RNF128: variants seen among roughly 807,000 people sequenced by gnomAD.
RNF128 encodes ring finger protein 128.
RNF128 carries 13 observed loss-of-function variants against 26.2 expected under a neutral mutation model. The ratio of observed to expected loss-of-function variants is 0.50; its 90% CI spans 0.32 to 0.79. The LOEUF is 0.79. Ranked by LOEUF, RNF128 falls within the 30% of genes least tolerant of loss-of-function variation. The pLI, the probability that RNF128 is intolerant of heterozygous loss-of-function variation, is 0.03. For missense variants in RNF128, 315 were observed against 349.7 expected (o/e 0.90, Z 0.79); for synonymous variants, 149 against 142.5 (o/e 1.05, Z -0.32).
At chrX:106,713,066 A>G (rs1243292494) in intron 1 of RNF128, among the ~76,000 whole-genome samples, 1 of 108,081 alleles carries the variant, frequency 9.3e-6, no homozygotes, top group East Asian at 3.0e-4. Context: ...TTTTTATTAG[A>G]GATGGGATTT....
chrX:106,722,945 A>G (rs891301804), upstream of RNF128, among the ~76,000 whole-genome samples: 1 of 110,817 alleles, frequency 9.0e-6, no homozygotes, highest in African/African-American at 3.3e-5. Context: ...CCTCCATTCC[A>G]CAAGTGTCTA....
intron 4 of RNF128, among the ~76,000 whole-genome samples, chrX:106,788,387 TA>T (rs1930710698): frequency 2.1e-5 from 1 of 46,939 alleles, no homozygotes; most frequent in Non-Finnish European, 3.3e-5. Context: ...ATATTATATA[TA>T]ATATATATTA....
intron 1 of RNF128, among the ~76,000 whole-genome samples, chrX:106,763,980 T>G (rs1159541229): frequency 9.0e-6 from 1 of 110,512 alleles, no homozygotes; most frequent in Non-Finnish European, 1.9e-5. Flanking sequence ...TTTTGTTTTT[T>G]GAGATGGAGT....
chrX:106,735,595 C>T (rs1461453534), intron 1 of RNF128, among the ~76,000 whole-genome samples: 1 of 111,231 alleles, frequency 9.0e-6, no homozygotes. Flanking sequence ...TTTTAAAGAA[C>T]CCAAAATACT....
rs1290258485 is a variant in RNF128 at position 106,796,653 on chromosome X, GT to G, written c.*941del. The stretch of plus-strand genomic sequence containing the variant: ...ATTACATTAGATAAACTAAAATTCT[GT>G]CCGTGTAACTATAAATTTTGTGAAT... On this transcript the variant is annotated 3_prime_UTR_variant, in exon 7 of 7. Transcript: ENST00000255499. 8.9e-6 allele frequency: 1 copy of G among 111,828 alleles called. No homozygotes were observed. Among genetic ancestry groups the G allele is most frequent in the Non-Finnish European group, 1.9e-5 (1 of 53,041 alleles). The allele number at this position is 111,828 out of a possible 1,213,427, so 9.2% of individuals were successfully genotyped here. A position where few individuals can be genotyped will look rare whatever the true frequency, so the allele number is the denominator to read the frequency against.
intron 1 of RNF128, among the ~76,000 whole-genome samples, chrX:106,717,803 T>C (rs1428280358): frequency 8.9e-6 from 1 of 112,405 alleles, no homozygotes; most frequent in Non-Finnish European, 1.9e-5. Flanking sequence ...GGGATTCGTC[T>C]AGCACATTTT....
At chrX:106,755,119 A>C (rs1211918259) in intron 1 of RNF128, among the ~76,000 whole-genome samples, 1 of 112,131 alleles carries the variant, frequency 8.9e-6, no homozygotes, top group East Asian at 2.8e-4. Flanking sequence ...CCTGGAGACT[A>C]CTGGGAGCAG....
chrX:106,720,202 C>T (rs1929286433), intron 1 of RNF128, among the ~76,000 whole-genome samples: 1 of 109,514 alleles, frequency 9.1e-6, no homozygotes, highest in Admixed American at 9.9e-5. Flanking sequence ...ATGCCTTGGG[C>T]CTTTCCCCAC....
At chrX:106,751,943 C>T (rs555309003) in intron 1 of RNF128, among the ~76,000 whole-genome samples, 1 of 109,685 alleles carries the variant, frequency 9.1e-6, no homozygotes, top group Non-Finnish European at 1.9e-5. Context: ...GCTGTAGTGG[C>T]CAAGGGGAGA....
At chrX:106,767,609 T>A (rs1183452573) in intron 1 of RNF128, among the ~76,000 whole-genome samples, 2 of 111,865 alleles carry the variant, frequency 1.8e-5, no homozygotes, top group African/African-American at 6.5e-5. Flanking sequence ...CTGAGGAGAA[T>A]TTGGGCTGAG....
chrX:106,785,172 A>G, intron 3 of RNF128, 36 bp downstream of exon 3: 2 of 1,018,359 alleles, frequency 2.0e-6, no homozygotes, highest in Non-Finnish European at 2.7e-6. Context: ...TTTATTTTAA[A>G]GCAGTGCTAC....
chrX:106,715,889 G>A (rs1189471089), intron 1 of RNF128, among the ~76,000 whole-genome samples: 1 of 111,188 alleles, frequency 9.0e-6, no homozygotes, highest in Non-Finnish European at 1.9e-5. Context: ...AAAAGAGATT[G>A]AATAAAAAGC....
At chrX:106,794,646 G>T (rs777351737) in intron 6 of RNF128, among the ~76,000 whole-genome samples, 1 of 110,675 alleles carries the variant, frequency 9.0e-6, no homozygotes, top group African/African-American at 3.3e-5. Context: ...TGCTACCGGG[G>T]TGTCATTGCT....
At chrX:106,750,891 A>G (rs1929871964) in intron 1 of RNF128, among the ~76,000 whole-genome samples, 1 of 112,145 alleles carries the variant, frequency 8.9e-6, no homozygotes, top group Middle Eastern at 4.2e-3. Context: ...ATTTATGACA[A>G]GAGTGAAAAA....
At chrX:106,788,615 A>G (rs1930733823) in intron 4 of RNF128, among the ~76,000 whole-genome samples, 1 of 55,726 alleles carries the variant, frequency 1.8e-5, no homozygotes, top group African/African-American at 8.2e-5. Flanking sequence ...CATATACTCT[A>G]TATTATATAT....
At chrX:106,698,994 T>A (rs1340430147) in intron 1 of RNF128, among the ~76,000 whole-genome samples, 1 of 110,973 alleles carries the variant, frequency 9.0e-6, no homozygotes, top group African/African-American at 3.3e-5. Flanking sequence ...GCCTTCCTCA[T>A]CCTCGCTCCC....
intron 1 of RNF128, among the ~76,000 whole-genome samples, chrX:106,754,352 C>T (rs1929957063): frequency 9.6e-6 from 1 of 104,629 alleles, no homozygotes; most frequent in Admixed American, 1.0e-4. Context: ...TTCCAAGTAG[C>T]TGGGACTACA....
In RNF128 at chrX:106,727,049, T is replaced by A. The variant is rs999473331; in HGVS notation, c.136T>A (p.Tyr46Asn). 1 of 1,205,078 alleles carries A rather than the reference T, an allele frequency of 8.3e-7. No individual in the cohort carries two copies. The highest frequency in any genetic ancestry group is 1.1e-6 in the Non-Finnish European group (1 of 892,519). Residue 46 changes from tyrosine to asparagine, a missense_variant, in exon 1 of 7, where the codon TAC becomes AAC. Transcript: ENST00000255499. ...SRGAEAVWTA[Y>N]LNVSWRVPHT... is the part of the protein sequence containing the mutation. ...GGGGGCTGAAGCAGTGTGGACCGCG[T>A]ACCTCAACGTGTCCTGGCGGGTTCC...
chrX:106,731,762 T>A (rs1023794702), intron 1 of RNF128, among the ~76,000 whole-genome samples: 2 of 111,731 alleles, frequency 1.8e-5, no homozygotes, highest in African/African-American at 6.5e-5. Context: ...AGATGCCACA[T>A]CCTGTTGATT....
Sources: gnomAD v4.1 joint callset for allele counts (sites outside exome capture counted in the v4.1 genomes callset) on GRCh38, gnomAD v4.1.1 for gene constraint, MANE v1.5 for transcripts, NCBI Gene and HGNC (gene_info 2026-07-23, HGNC 2026-07-21) for gene names.